Variants in CDKAL1 observed in about 807,000 individuals in gnomAD.
CDKAL1 encodes threonylcarbamoyladenosine tRNA methylthiotransferase.
A neutral mutation model predicts 68.2 loss-of-function variants in CDKAL1; 32 were observed. The ratio of observed to expected loss-of-function variants is 0.47; its 90% CI spans 0.35 to 0.63. The LOEUF is 0.63. Among genes scored for constraint, CDKAL1 ranks in the 30% least tolerant of loss-of-function variants. The pLI is 0.00. For synonymous variants in CDKAL1, 234 were observed against 244.3 expected (o/e 0.96, Z 0.39); for missense variants, 606 against 696.7 (o/e 0.87, Z 1.47).
intron 13 of CDKAL1, among the ~76,000 whole-genome samples, chr6:21,184,640 C>A (rs1286605382): frequency 3.3e-5 from 5 of 151,926 alleles, no homozygotes; most frequent in African/African-American, 1.2e-4. Context: ...CCAGCCAATG[C>A]TTTTATTTAA....
Position 20,594,714 on chromosome 6 carries a change from C to G in CDKAL1, c.286+46009C>G, listed in dbSNP as rs186687943. ...AGCGTTGTTATATGTGAATTTGATC[C>G]TGTCATTATGATGCTAGCTGGTTAT... On this transcript the variant is annotated intron_variant, in intron 4 of 15. Transcript: ENST00000274695. 2.6e-5 allele frequency among the ~76,000 whole-genome samples: 4 copies of G among 152,214 alleles called. 1 individual carries two copies. Among genetic ancestry groups the G allele is most frequent in the Admixed American group, 2.0e-4 (3 of 15,290 alleles).
intron 4 of CDKAL1, among the ~76,000 whole-genome samples, chr6:20,611,859 G>A (rs1766632549): frequency 6.6e-6 from 1 of 152,032 alleles, no homozygotes; most frequent in Non-Finnish European, 1.5e-5. Flanking sequence ...CTATCTAACT[G>A]TATGTTTGTA....
At chr6:20,726,443 C>G (rs545560055) in intron 5 of CDKAL1, among the ~76,000 whole-genome samples, 1 of 152,334 alleles carries the variant, frequency 6.6e-6, no homozygotes, top group East Asian at 1.9e-4. Context: ...CTCAGGACCT[C>G]TTGAGACTGT....
At chr6:20,688,231 C>T (rs567145966) in intron 5 of CDKAL1, among the ~76,000 whole-genome samples, 1 of 151,410 alleles carries the variant, frequency 6.6e-6, no homozygotes, top group African/African-American at 2.4e-5. Flanking sequence ...TTTTATCCTG[C>T]TTGGCATTCA....
intron 13 of CDKAL1, among the ~76,000 whole-genome samples, chr6:21,129,605 C>T (rs1235486646): frequency 1.5e-5 from 2 of 136,552 alleles, no homozygotes; most frequent in South Asian, 2.3e-4. Context: ...GTTGTAGGCA[C>T]GTTGATGTGT....
chr6:20,797,821 T>TTTATTTTATTTTATTTTATG (rs1776175852), intron 8 of CDKAL1, among the ~76,000 whole-genome samples: 1 of 138,332 alleles, frequency 7.2e-6, no homozygotes, highest in East Asian at 2.0e-4. Flanking sequence ...TTTATTTTAT[T>TTTATTTTATTTTATTTTATG]TTATTTTTTC....
At chr6:20,602,930 T>C (rs1454069777) in intron 4 of CDKAL1, among the ~76,000 whole-genome samples, 1 of 152,216 alleles carries the variant, frequency 6.6e-6, no homozygotes, top group Non-Finnish European at 1.5e-5. Context: ...CTGGTAATTT[T>C]TGTTTTGGGT....
intron 4 of CDKAL1, among the ~76,000 whole-genome samples, chr6:20,562,322 C>T (rs1764298095): frequency 6.6e-6 from 1 of 151,870 alleles, no homozygotes; most frequent in Non-Finnish European, 1.5e-5. Context: ...TTTCCATCCA[C>T]TCAGAAATAA....
intron 5 of CDKAL1, among the ~76,000 whole-genome samples, chr6:20,716,340 CAG>C (rs1222075705): frequency 2.0e-5 from 3 of 152,082 alleles, no homozygotes; most frequent in Non-Finnish European, 4.4e-5. Context: ...GATATTTGAA[CAG>C]AGACTTGAAT....
chr6:20,945,090 ACACAC>A (rs1275499082), intron 9 of CDKAL1, among the ~76,000 whole-genome samples: 2 of 151,804 alleles, frequency 1.3e-5, no homozygotes, highest in Non-Finnish European at 2.9e-5. Context: ...ACACACACAC[ACACAC>A]AACCTTTTTA....
intron 10 of CDKAL1, among the ~76,000 whole-genome samples, chr6:20,984,689 C>T (rs537934109): frequency 3.3e-5 from 5 of 152,214 alleles, no homozygotes; most frequent in African/African-American, 7.2e-5. Flanking sequence ...TCCGAAGCTA[C>T]GCCTTCAAGC....
At chr6:21,089,300 A>G (rs1490801354) in intron 12 of CDKAL1, among the ~76,000 whole-genome samples, 1 of 151,950 alleles carries the variant, frequency 6.6e-6, no homozygotes, top group Admixed American at 6.6e-5. Context: ...ACATAGTGAG[A>G]CCCCTGTCTC....
intron 4 of CDKAL1, among the ~76,000 whole-genome samples, chr6:20,554,455 A>G (rs1436999005): frequency 1.3e-5 from 2 of 152,166 alleles, no homozygotes; most frequent in Non-Finnish European, 2.9e-5. Flanking sequence ...GCAAATCTTC[A>G]TATCTTGAGA....
chr6:20,993,952 A>G (rs1766971120), intron 10 of CDKAL1, among the ~76,000 whole-genome samples: 1 of 152,102 alleles, frequency 6.6e-6, no homozygotes, highest in Non-Finnish European at 1.5e-5. Context: ...CCCAATATTA[A>G]AACACATACT....
intron 13 of CDKAL1, among the ~76,000 whole-genome samples, chr6:21,168,619 C>G (rs929313845): frequency 6.6e-6 from 1 of 152,146 alleles, no homozygotes; most frequent in African/African-American, 2.4e-5. Context: ...AAATAAAAAG[C>G]ATACCATCTG....
At chr6:21,120,735 C>T (rs1774669436) in intron 13 of CDKAL1, among the ~76,000 whole-genome samples, 2 of 151,996 alleles carry the variant, frequency 1.3e-5, no homozygotes, top group Admixed American at 1.3e-4. Context: ...TTTCACTTTA[C>T]AGTATATCTT....
At chr6:20,878,505 G>A (rs916657727) in intron 9 of CDKAL1, among the ~76,000 whole-genome samples, 16 of 150,568 alleles carry the variant, frequency 1.1e-4, no homozygotes, top group African/African-American at 3.7e-4. Flanking sequence ...TTTGAGGGGC[G>A]GAGGCCGGCG....
chr6:20,928,685 CTTTTTT>C (rs55795720), intron 9 of CDKAL1, among the ~76,000 whole-genome samples: 1 of 120,184 alleles, frequency 8.3e-6, no homozygotes. Flanking sequence ...TTACAATATT[CTTTTTT>C]TTTTTTTTTT....
At chr6:20,941,926 C>T (rs1763990848) in intron 9 of CDKAL1, among the ~76,000 whole-genome samples, 1 of 152,212 alleles carries the variant, frequency 6.6e-6, no homozygotes, top group Non-Finnish European at 1.5e-5. Flanking sequence ...AAATGACATT[C>T]TGCTTTTCCC....
Sources: allele counts gnomAD v4.1 joint callset (sites outside exome capture counted in the v4.1 genomes callset), GRCh38; gene constraint gnomAD v4.1.1; transcripts MANE v1.5; gene names NCBI Gene and HGNC (gene_info 2026-07-23, HGNC 2026-07-21).